Variants in LEMD3 observed in about 807,000 individuals in gnomAD.
LEMD3 encodes the protein inner nuclear membrane protein Man1.
Under a neutral mutation model 95.2 loss-of-function variants are expected in LEMD3, and 33 were observed. That is an observed-to-expected ratio of 0.35 (90% CI 0.26 to 0.46). The LOEUF (loss-of-function observed/expected upper bound fraction) is 0.46, where lower values mean the gene tolerates loss of function less well. Among genes scored for constraint, LEMD3 ranks in the 20% least tolerant of loss-of-function variants. The pLI, the probability that LEMD3 is intolerant of heterozygous loss-of-function variation, is 1.00. For synonymous variants in LEMD3, 525 were observed against 474.6 expected, an observed-to-expected ratio of 1.11 and a Z score of -1.38; for missense variants, 1,210 against 1,192.8, an observed-to-expected ratio of 1.01 and a Z score of -0.21.
intron 1 of LEMD3, among the ~76,000 whole-genome samples, chr12:65,174,572 G>A (rs1868655613): frequency 6.6e-6 from 1 of 152,030 alleles, no homozygotes; most frequent in African/African-American, 2.4e-5. Context: ...GCCTCATGCT[G>A]CCCCCATATA....
intron 4 of LEMD3, among the ~76,000 whole-genome samples, chr12:65,225,894 TC>T (rs1339206404): frequency 1.3e-5 from 2 of 152,136 alleles, no homozygotes; most frequent in Non-Finnish European, 2.9e-5. Context: ...TCTTTTTTCT[TC>T]TTAGTGGCCC....
At position 65,210,910 on chromosome 12, in the gene LEMD3, T is replaced by C. The variant is rs1236012380; in HGVS notation, c.1523-16T>C. Reference sequence around the variant, plus strand: ...TAAGTGATGCTAATACTTGTCTTTTTTTCCTTCCTTGATAGTAGAAAACCC... The same window carrying C: ...TAAGTGATGCTAATACTTGTCTTTTCTTCCTTCCTTGATAGTAGAAAACCC... On this transcript the variant is annotated splice_polypyrimidine_tract_variant and intron_variant, in intron 1 of 12. Coordinates refer to ENST00000308330, the MANE Select transcript of LEMD3 (RefSeq NM_014319.5). 3.8e-6 allele frequency: 6 copies of C among 1,580,762 alleles called. No homozygotes were observed. Among genetic ancestry groups the C allele is most frequent in the Non-Finnish European group, 4.3e-6 (5 of 1,149,466 alleles).
In LEMD3 at chr12:65,170,269, G is replaced by C. The variant is rs886049776; in HGVS notation, c.673G>C (p.Glu225Gln). Residue 225 changes from glutamate (E) to glutamine (Q), a missense_variant, in exon 1 of 13, where the codon GAG becomes CAG. Physicochemically the swap from Glu to Gln is conservative, Grantham distance 29. Around this residue, in one of 2 missense-constraint regions of LEMD3, gnomAD observed 749 missense variants for 622.9 expected, o/e 1.20. Coordinates refer to ENST00000308330, the MANE Select transcript of LEMD3 (RefSeq NM_014319.5). ...GAVEDEEGEG[E>Q]DGEERDPETE... ...AGTGGAGGACGAGGAAGGGGAGGGA[G>C]AGGACGGTGAGGAGAGGGACCCGGA... 3 of 1,565,080 alleles carry C rather than the reference G, an allele frequency of 1.9e-6. No individual in the cohort carries two copies. Among genetic ancestry groups the C allele is most frequent in the Non-Finnish European group, 2.6e-6 (3 of 1,154,652 alleles).
chr12:65,210,379 T>G (rs539933068), intron 1 of LEMD3, among the ~76,000 whole-genome samples: 9 of 152,286 alleles, frequency 5.9e-5, no homozygotes, highest in African/African-American at 1.9e-4. Context: ...CTTTCAGTAG[T>G]TAACTGCTTC....
At chr12:65,179,528 A>G (rs1868835911) in intron 1 of LEMD3, among the ~76,000 whole-genome samples, 1 of 152,232 alleles carries the variant, frequency 6.6e-6, no homozygotes. Context: ...GGAACTCTCC[A>G]AAATGTATTT....
At chr12:65,190,420 A>G (rs1869202096) in intron 1 of LEMD3, among the ~76,000 whole-genome samples, 1 of 152,126 alleles carries the variant, frequency 6.6e-6, no homozygotes. Flanking sequence ...GGAAACATAT[A>G]CAGTCTATTC....
chr12:65,242,464 G>C (rs1357955032), intron 9 of LEMD3, among the ~76,000 whole-genome samples: 2 of 152,190 alleles, frequency 1.3e-5, no homozygotes, highest in East Asian at 3.9e-4. Context: ...CTAGGAGGTG[G>C]GCACCACAGA....
intron 1 of LEMD3, among the ~76,000 whole-genome samples, chr12:65,178,260 G>A (rs2136317747): frequency 6.6e-6 from 1 of 151,754 alleles, no homozygotes; most frequent in East Asian, 1.9e-4. Flanking sequence ...TCCCGTGAAT[G>A]CCAGGGATTT....
At chr12:65,244,109 TTC>T (rs1186484301) in intron 10 of LEMD3, among the ~76,000 whole-genome samples, 3 of 152,202 alleles carry the variant, frequency 2.0e-5, no homozygotes, top group Non-Finnish European at 4.4e-5. Context: ...ACAGATCAAA[TTC>T]TGTTTGTTTT....
intron 4 of LEMD3, among the ~76,000 whole-genome samples, chr12:65,228,398 A>ATT (rs1322042852): frequency 2.7e-5 from 4 of 146,302 alleles, no homozygotes; most frequent in South Asian, 4.3e-4. Flanking sequence ...TTATTTATTT[A>ATT]TTTATTTTTT....
At chr12:65,192,558 G>A (rs988621122) in intron 1 of LEMD3, among the ~76,000 whole-genome samples, 15 of 151,900 alleles carry the variant, frequency 9.9e-5, no homozygotes, top group African/African-American at 3.4e-4. Context: ...CCAAAAACAT[G>A]TCTTACTTTC....
chr12:65,239,156 GT>G, intron 6 of LEMD3, among the ~76,000 whole-genome samples: 2 of 152,042 alleles, frequency 1.3e-5, no homozygotes, highest in South Asian at 4.2e-4. Flanking sequence ...TTAAAATTTA[GT>G]TTTTAAAATG....
At chr12:65,202,694 A>G (rs908977098) in intron 1 of LEMD3, among the ~76,000 whole-genome samples, 4 of 152,040 alleles carry the variant, frequency 2.6e-5, no homozygotes, top group Non-Finnish European at 4.4e-5. Flanking sequence ...CTGGTGCTTT[A>G]TATTTTGGAA....
At chr12:65,177,114 A>G (rs1451708990) in intron 1 of LEMD3, among the ~76,000 whole-genome samples, 1 of 152,238 alleles carries the variant, frequency 6.6e-6, no homozygotes, top group Admixed American at 6.5e-5. Flanking sequence ...TCAGTCTTAC[A>G]TGATCAAAAG....
intron 1 of LEMD3, among the ~76,000 whole-genome samples, chr12:65,203,270 G>T (rs985176669): frequency 7.3e-6 from 1 of 137,796 alleles, no homozygotes; most frequent in African/African-American, 2.6e-5. Flanking sequence ...CATGCTTAGC[G>T]TTCCAATAAT....
intron 1 of LEMD3, among the ~76,000 whole-genome samples, chr12:65,202,578 T>C (rs1869638565): frequency 6.6e-6 from 1 of 152,164 alleles, no homozygotes; most frequent in Non-Finnish European, 1.5e-5. Context: ...CTAGTTTTGG[T>C]ATTAGGGTAA....
At chr12:65,226,336 C>G (rs909720816) in intron 4 of LEMD3, among the ~76,000 whole-genome samples, 1 of 152,106 alleles carries the variant, frequency 6.6e-6, no homozygotes, top group African/African-American at 2.4e-5. Context: ...TTCCTAACAG[C>G]TTTGATACAG....
chr12:65,221,050 A>C (rs1870269681), intron 4 of LEMD3, among the ~76,000 whole-genome samples: 1 of 152,192 alleles, frequency 6.6e-6, no homozygotes, highest in Admixed American at 6.5e-5. Flanking sequence ...CTATTTCTGC[A>C]AAAAATGCTA....
chr12:65,223,467 C>G (rs1486933911), intron 4 of LEMD3, among the ~76,000 whole-genome samples: 4 of 151,942 alleles, frequency 2.6e-5, no homozygotes, highest in African/African-American at 7.3e-5. Flanking sequence ...CCACACCCGG[C>G]TAATTTTTAA....
Sources: gnomAD v4.1 joint callset for allele counts (sites outside exome capture counted in the v4.1 genomes callset) on GRCh38, gnomAD v4.1.1 for gene constraint, gnomAD v4.1.1 regional missense constraint, MANE v1.5 for transcripts, NCBI Gene and HGNC (gene_info 2026-07-23, HGNC 2026-07-21) for gene names.